Variants in FAM13A observed in about 807,000 individuals in gnomAD.
FAM13A encodes the protein protein FAM13A.
FAM13A carries 76 observed loss-of-function variants against 129.6 expected under a neutral mutation model. The ratio of observed to expected loss-of-function variants is 0.59; its 90% CI spans 0.49 to 0.71. The LOEUF is 0.71. Ranked by LOEUF, FAM13A falls within the 30% of genes least tolerant of loss-of-function variation. The pLI is 0.00. For missense variants in FAM13A, 1,108 were observed against 1,249.3 expected (o/e 0.89, Z 1.70); for synonymous variants, 443 against 449.9 (o/e 0.98, Z 0.20).
intron 6 of FAM13A, among the ~76,000 whole-genome samples, chr4:88,876,708 C>T (rs914484160): frequency 2.0e-5 from 3 of 152,078 alleles, no homozygotes; most frequent in African/African-American, 7.2e-5. Flanking sequence ...TCTCCTGCCT[C>T]GGCCTCCCAA....
At chr4:88,920,978 A>T (rs1019118551) in intron 5 of FAM13A, among the ~76,000 whole-genome samples, 2 of 152,106 alleles carry the variant, frequency 1.3e-5, no homozygotes, top group African/African-American at 4.8e-5. Flanking sequence ...GAATGAAATG[A>T]AGCGAGAAGG....
intron 11 of FAM13A, among the ~76,000 whole-genome samples, chr4:88,769,635 C>A (rs1389338669): frequency 6.6e-6 from 1 of 151,936 alleles, no homozygotes; most frequent in Non-Finnish European, 1.5e-5. Context: ...AGATCGAGAC[C>A]ATCCTGACCA....
At chr4:88,776,372 T>C (rs1283624407) in intron 11 of FAM13A, among the ~76,000 whole-genome samples, 5 of 152,210 alleles carry the variant, frequency 3.3e-5, no homozygotes, top group African/African-American at 1.2e-4. Flanking sequence ...TTGTTTAATC[T>C]CCTATGCCTA....
At chr4:88,805,151 C>T (rs1294380917) in intron 7 of FAM13A, 99 bp from the exon 8 acceptor site, 3 of 698,336 alleles carry the variant, frequency 4.3e-6, no homozygotes, top group Non-Finnish European at 7.7e-6. Context: ...TGATTTAGCA[C>T]ATTAAAGCCA....
intron 5 of FAM13A, among the ~76,000 whole-genome samples, chr4:88,924,388 G>A (rs1325926819): frequency 1.3e-5 from 2 of 152,096 alleles, no homozygotes; most frequent in African/African-American, 4.8e-5. Context: ...AGAGCCCTCA[G>A]AAATAACGCC....
intron 4 of FAM13A, among the ~76,000 whole-genome samples, chr4:88,950,821 G>GT (rs1413677325): frequency 6.6e-6 from 1 of 152,164 alleles, no homozygotes; most frequent in Non-Finnish European, 1.5e-5. Context: ...TAAATTAACA[G>GT]TGACGGGTCA....
chr4:89,055,972 T>C (rs757797307), intron 1 of FAM13A, among the ~76,000 whole-genome samples: 3 of 152,164 alleles, frequency 2.0e-5, no homozygotes, highest in Non-Finnish European at 4.4e-5. Context: ...CACTTCAGAA[T>C]GCCATCAGAA....
At chr4:88,954,260 A>C (rs1336543845) in intron 4 of FAM13A, among the ~76,000 whole-genome samples, 1 of 152,238 alleles carries the variant, frequency 6.6e-6, no homozygotes, top group Admixed American at 6.5e-5. Flanking sequence ...AACAAAAGTG[A>C]AAATGAATCT....
At chr4:88,812,348 A>G (rs1228790603) in intron 7 of FAM13A, among the ~76,000 whole-genome samples, 1 of 152,068 alleles carries the variant, frequency 6.6e-6, no homozygotes, top group Admixed American at 6.6e-5. Context: ...CAGGGGCAAT[A>G]CTATTTCCTT....
At chr4:88,930,335 T>A (rs1752841768) in intron 5 of FAM13A, among the ~76,000 whole-genome samples, 1 of 152,174 alleles carries the variant, frequency 6.6e-6, no homozygotes, top group African/African-American at 2.4e-5. Context: ...TTTTAAAAAT[T>A]GCTTTTGTAG....
chr4:88,928,174 T>C (rs1409293521), intron 5 of FAM13A, among the ~76,000 whole-genome samples: 1 of 152,158 alleles, frequency 6.6e-6, no homozygotes, highest in Non-Finnish European at 1.5e-5. Flanking sequence ...TTTCTAGTTT[T>C]TATTCCACTG....
rs115528182 is a variant in FAM13A at position 88,850,908 on chromosome 4, A to G, written c.1007+112T>C. On this transcript the variant is annotated intron_variant, in intron 7 of 23. Coordinates refer to ENST00000264344, the MANE Select transcript of FAM13A (RefSeq NM_014883.4). ...GAATTTTAAGTATCTTTACTGATCT[A>G]TATCCTGTAAACTCCAGTGGCAGAT... The G allele has an allele frequency of 2.8e-4, 259 of 928,458 alleles. 1 individual carries two copies. In the African/African-American group the frequency reaches 3.7e-3, roughly 13 times the overall value. The allele number at this position is 928,458 out of a possible 1,614,324, so 57.5% of individuals were successfully genotyped here. A position where few individuals can be genotyped will look rare whatever the true frequency, so the allele number is the denominator to read the frequency against.
chr4:88,911,677 C>T (rs1749110493), intron 5 of FAM13A, among the ~76,000 whole-genome samples: 1 of 152,164 alleles, frequency 6.6e-6, no homozygotes, highest in African/African-American at 2.4e-5. Flanking sequence ...ATCTCATCTC[C>T]TTTCATCTCC....
At chr4:89,006,767 G>T (rs138087920) in intron 3 of FAM13A, among the ~76,000 whole-genome samples, 164 of 152,298 alleles carry the variant, frequency 1.1e-3, no homozygotes, top group African/African-American at 3.4e-3. Context: ...TTAAGCAGTG[G>T]AAGGTGGCTC....
intron 5 of FAM13A, among the ~76,000 whole-genome samples, chr4:88,918,800 C>A (rs1750531816): frequency 6.6e-6 from 1 of 152,204 alleles, no homozygotes. Context: ...CTCATCTTCT[C>A]CCTCTGGGCA....
chr4:88,771,745 A>C (rs1198922250), intron 11 of FAM13A, among the ~76,000 whole-genome samples: 3 of 152,200 alleles, frequency 2.0e-5, no homozygotes, highest in Non-Finnish European at 2.9e-5. Context: ...TTCCAACCAG[A>C]TAAAGCCTAG....
intron 5 of FAM13A, among the ~76,000 whole-genome samples, chr4:88,918,953 T>G (rs1378639988): frequency 1.3e-5 from 2 of 152,228 alleles, no homozygotes; most frequent in Non-Finnish European, 2.9e-5. Flanking sequence ...GTAGCTGGTC[T>G]AATATGAGGA....
At chr4:89,044,308 T>A (rs1708681) in intron 1 of FAM13A, among the ~76,000 whole-genome samples, 113,331 of 152,138 alleles carry the variant, frequency 0.74, 42,743 homozygotes, top group African/African-American at 0.88. Flanking sequence ...TGTGGCTAAT[T>A]AGCACATTAA....
chr4:89,002,176 CAAAAAAAA>C (rs11370599), intron 3 of FAM13A, among the ~76,000 whole-genome samples: 1 of 115,680 alleles, frequency 8.6e-6, no homozygotes, highest in Non-Finnish European at 1.8e-5. Flanking sequence ...CACCCAACGG[CAAAAAAAA>C]AAAAAAAAAA....
Sources: allele counts gnomAD v4.1 joint callset (sites outside exome capture counted in the v4.1 genomes callset), GRCh38; gene constraint gnomAD v4.1.1; transcripts MANE v1.5; gene names NCBI Gene and HGNC (gene_info 2026-07-23, HGNC 2026-07-21).